SEC24A: variants seen among roughly 807,000 people sequenced by gnomAD.
The protein encoded by SEC24A is protein transport protein Sec24A.
Under a neutral mutation model 129.4 loss-of-function variants are expected in SEC24A, and 93 were observed. The observed-to-expected ratio is 0.72, with a 90% CI of 0.61 to 0.85. SEC24A has a LOEUF of 0.85. Ranked by LOEUF, SEC24A falls within the 40% of genes least tolerant of loss-of-function variation. The pLI is 0.00. For synonymous variants in SEC24A, 460 were observed against 467.3 expected, an observed-to-expected ratio of 0.98 and a Z score of 0.20; for missense variants, 1,264 against 1,307.4, an observed-to-expected ratio of 0.97 and a Z score of 0.51.
At chr5:134,707,990 A>T (rs6596182) in intron 17 of SEC24A, among the ~76,000 whole-genome samples, 1 of 152,136 alleles carries the variant, frequency 6.6e-6, no homozygotes, top group Non-Finnish European at 1.5e-5. Flanking sequence ...TTAGTCAGGT[A>T]TAGTGGCACA....
chr5:134,710,910 C>T (rs1207727487), intron 18 of SEC24A, among the ~76,000 whole-genome samples: 2 of 152,046 alleles, frequency 1.3e-5, no homozygotes, highest in South Asian at 2.1e-4. Context: ...CCAAGGCGGG[C>T]GGATCACTTA....
In SEC24A at chr5:134,666,976, A is replaced by T. The variant is rs773365374; in HGVS notation, c.719A>T (p.Asn240Ile). The T allele has an allele frequency of 7.6e-6, 12 of 1,575,072 alleles. No homozygotes were observed. The highest frequency in any genetic ancestry group is 1.0e-5 in the Non-Finnish European group (12 of 1,166,564). ...SYRDVPQPLF[N>I]SAVNQEGITS... Reference sequence around the variant, plus strand: ...AGAGATGTACCCCAGCCCTTATTTAATTCAGCTGTCAACCAAGAAGGTAAG... The same window carrying T: ...AGAGATGTACCCCAGCCCTTATTTATTTCAGCTGTCAACCAAGAAGGTAAG... Residue 240 changes from asparagine to isoleucine, a missense_variant, in exon 3 of 23, where the codon AAT (asparagine) becomes ATT (isoleucine). By Grantham distance (149) the Asn-to-Ile change is moderately radical (BLOSUM62 -3). Coordinates refer to ENST00000398844, the MANE Select transcript of SEC24A (RefSeq NM_021982.3).
intron 15 of SEC24A, among the ~76,000 whole-genome samples, chr5:134,702,825 C>T (rs933153710): frequency 6.6e-6 from 1 of 152,026 alleles, no homozygotes; most frequent in Non-Finnish European, 1.5e-5. Flanking sequence ...AGTGCAGTGG[C>T]GCGATCTTGG....
At chr5:134,670,993 AAAAAG>A (rs762557309) in intron 3 of SEC24A, among the ~76,000 whole-genome samples, 6 of 152,070 alleles carry the variant, frequency 3.9e-5, no homozygotes, top group African/African-American at 7.2e-5. Flanking sequence ...CATCTCAAAA[AAAAAG>A]AAAAGAAAAG....
In SEC24A at chr5:134,661,221, T is replaced by C. The variant is rs755017259; in HGVS notation, c.200T>C (p.Leu67Ser). The change falls in exon 2 of 23, where the codon TTG becomes TCG. Residue 67 changes from leucine (L) to serine (S), a missense_variant. Leu to Ser is a moderately radical substitution (Grantham distance 145). Transcript: ENST00000398844. The stretch of plus-strand genomic sequence containing the variant: ...CCTCATCCAATACCAGCAAAGACTT[T>C]GAATCCAGTCTCTGGACAGTCTAAC... ...SYPHPIPAKTLNPVSGQSNYG... is the reference protein window; with the variant it reads ...SYPHPIPAKTSNPVSGQSNYG... 6.8e-6 allele frequency: 11 copies of C among 1,614,054 alleles called. No homozygotes were observed. Among genetic ancestry groups the C allele is most frequent in the Non-Finnish European group, 7.6e-6 (9 of 1,180,016 alleles).
chr5:134,692,533 G>A, intron 11 of SEC24A, 69 bp from the exon 12 acceptor site: 1 of 777,418 alleles, frequency 1.3e-6, no homozygotes, highest in South Asian at 1.6e-5. Flanking sequence ...AATTGCATTA[G>A]TGTTATATAT....
chr5:134,719,407 G>T (rs1752570971), intron 20 of SEC24A, among the ~76,000 whole-genome samples: 1 of 147,304 alleles, frequency 6.8e-6, no homozygotes, highest in Admixed American at 6.9e-5. Flanking sequence ...AAAAGAAGAA[G>T]TTGGCTGGGC....
At chr5:134,653,100 C>T (rs190451515) in intron 1 of SEC24A, among the ~76,000 whole-genome samples, 4 of 151,904 alleles carry the variant, frequency 2.6e-5, no homozygotes, top group African/African-American at 4.8e-5. Flanking sequence ...CCACTGTGCT[C>T]GGCCTAATTT....
rs70976552 is a variant in SEC24A at position 134,664,792 on chromosome 5, CT to C, written c.566-2007del. On this transcript the variant is annotated intron_variant, in intron 2 of 22. Coordinates refer to ENST00000398844, the MANE Select transcript of SEC24A (RefSeq NM_021982.3). Reference sequence around the variant, plus strand: ...TCAGTAATAGGCAATTTTTCTTTTTCTTTTTTTTTTTTTTTTTTTTTTTTGA... The same window carrying C: ...TCAGTAATAGGCAATTTTTCTTTTTCTTTTTTTTTTTTTTTTTTTTTTTGA... Among the ~76,000 whole-genome samples, 178 of 86,186 alleles carry C rather than the reference CT, an allele frequency of 2.1e-3. No individual in the cohort carries two copies. In the East Asian group the frequency reaches 0.022, roughly 11 times the overall value. The allele number at this position is 86,186 out of a possible 152,430, so 56.5% of individuals were successfully genotyped here.
chr5:134,676,294 C>T (rs577208665), intron 7 of SEC24A, among the ~76,000 whole-genome samples, 169 bp downstream of exon 7: 138 of 152,080 alleles, frequency 9.1e-4, no homozygotes, highest in Middle Eastern at 3.4e-3. Context: ...TGCCTGCCAC[C>T]GTGCCTGGCT....
chr5:134,666,425 C>A (rs1750660276), intron 2 of SEC24A, among the ~76,000 whole-genome samples: 1 of 152,110 alleles, frequency 6.6e-6, no homozygotes, highest in Non-Finnish European at 1.5e-5. Flanking sequence ...GGCATGGTTT[C>A]ACATGCCTAT....
chr5:134,723,458 C>CA (rs1561836391), intron 21 of SEC24A, 109 bp from the exon 22 acceptor site: 1 of 686,256 alleles, frequency 1.5e-6, no homozygotes, highest in Non-Finnish European at 2.4e-6. Flanking sequence ...GGCCTTGTCT[C>CA]AAAAAAGAAA....
chr5:134,708,800 C>T lies in SEC24A; in HGVS notation c.2639C>T (p.Ser880Phe). Residue 880 changes from serine (S) to phenylalanine (F), a missense_variant, in exon 18 of 23, where the codon TCT (serine) becomes TTT (phenylalanine). Ser to Phe is a radical substitution (Grantham distance 155, BLOSUM62 -2). Transcript: ENST00000398844. ...AVIDSLSAYR[S>F]SVLSNQQPGL... Reference sequence around the variant, plus strand: ...ATTGACTCCCTTTCAGCTTACCGTTCTTCAGTCTTAAGTAACCAGCAGCCT... The same window carrying T: ...ATTGACTCCCTTTCAGCTTACCGTTTTTCAGTCTTAAGTAACCAGCAGCCT... 3 of 1,614,154 alleles carry T rather than the reference C, an allele frequency of 1.9e-6. No individual in the cohort carries two copies. The highest frequency in any genetic ancestry group is 2.5e-6 in the Non-Finnish European group (3 of 1,180,038).
At position 134,693,905 on chromosome 5, in the gene SEC24A, A is replaced by G; in HGVS notation, c.1958A>G (p.Glu653Gly). 1 of 1,614,150 alleles carries G rather than the reference A, an allele frequency of 6.2e-7. No homozygotes were observed. The highest frequency in any genetic ancestry group is 2.2e-5 in the East Asian group (1 of 44,886). The change falls in exon 13 of 23, where the codon GAG (glutamate) becomes GGG (glycine). Residue 653 changes from glutamate to glycine, a missense_variant. Coordinates refer to ENST00000398844, the MANE Select transcript of SEC24A (RefSeq NM_021982.3). ...GGAGTGGGAGCCCTGAAACCACGAG[A>G]GGAACCAAACCACAGGTCATCTGCT... ...TLGVGALKPREEPNHRSSAKD... is the reference protein window; with the variant it reads ...TLGVGALKPRGEPNHRSSAKD...
chr5:134,662,193 C>T (rs937708303), intron 2 of SEC24A, among the ~76,000 whole-genome samples: 3 of 151,856 alleles, frequency 2.0e-5, no homozygotes, highest in Non-Finnish European at 2.9e-5. Flanking sequence ...CTCTCTCTGT[C>T]GCCCAGGCTG....
rs557136762 is a variant in SEC24A, at chr5:134,724,459, A to AT, written c.3168-520dup. ...CAAAATTAGCCTGGCATGGTGGCACATGCCTGTAATCCCAGCTACTCGGGA... is the reference window on the plus strand; with the variant it reads ...CAAAATTAGCCTGGCATGGTGGCACATTGCCTGTAATCCCAGCTACTCGGGA... On this transcript the variant is annotated intron_variant, in intron 22 of 22. Coordinates refer to ENST00000398844, the MANE Select transcript of SEC24A (RefSeq NM_021982.3). Among the ~76,000 whole-genome samples the AT allele has an allele frequency of 3.5e-3, 536 of 152,166 alleles. 4 individuals carry two copies. The highest frequency in any genetic ancestry group is 0.012 in the African/African-American group (515 of 41,512).
At position 134,661,342 on chromosome 5, in the gene SEC24A, A is replaced by C. The variant is rs138041593; in HGVS notation, c.321A>C (p.Arg107=). 48 of 1,614,132 alleles carry C rather than the reference A, an allele frequency of 3.0e-5. No homozygotes were observed. The Middle Eastern group carries it at 8.2e-4, about 28-fold the overall frequency. ...CGCTTCATAGTGGTCCTGCTCCCCG[A>C]ATGCCATTACCTGCTTCTCAGAACC... is the stretch of plus-strand genomic sequence containing the variant. ...TPSLHSGPAP[R]MPLPASQNPA... The change falls in exon 2 of 23, where the codon CGA becomes CGC. Residue 107 remains arginine (R), a synonymous_variant. Transcript: ENST00000398844.
chr5:134,687,367 T>C (rs1291994050), intron 10 of SEC24A, among the ~76,000 whole-genome samples: 3 of 152,194 alleles, frequency 2.0e-5, no homozygotes, highest in African/African-American at 7.2e-5. Flanking sequence ...AAAAATGCCT[T>C]TTTACTGTCA....
chr5:134,688,113 G>C (rs1350833765), intron 10 of SEC24A, 68 bp from the exon 11 acceptor site: 2 of 875,004 alleles, frequency 2.3e-6, no homozygotes, highest in Non-Finnish European at 2.0e-6. Flanking sequence ...GTAACTCTTA[G>C]GACATATTTT....
Sources: allele counts gnomAD v4.1 joint callset (sites outside exome capture counted in the v4.1 genomes callset), GRCh38; gene constraint gnomAD v4.1.1; transcripts MANE v1.5; gene names NCBI Gene and HGNC (gene_info 2026-07-23, HGNC 2026-07-21).